STAT5B: variants seen among roughly 807,000 people sequenced by gnomAD.
STAT5B encodes the protein signal transducer and activator of transcription 5B.
A neutral mutation model predicts 107.8 loss-of-function variants in STAT5B; 21 were observed. The observed-to-expected ratio is 0.19, with a 90% CI of 0.14 to 0.28. The LOEUF (loss-of-function observed/expected upper bound fraction) is 0.28, where lower values mean the gene tolerates loss of function less well. Among genes scored for constraint, STAT5B ranks in the 10% least tolerant of loss-of-function variants. The probability of loss-of-function intolerance (pLI) is 1.00; values close to 1 mark genes in which losing one functional copy is unlikely to be tolerated. For synonymous variants in STAT5B, 325 were observed against 401.7 expected (o/e 0.81, Z 2.28); for missense variants, 565 against 1,008.2 (o/e 0.56, Z 5.95).
chr17:42,217,905 C>G, intron 9 of STAT5B: 1 of 564,460 alleles, frequency 1.8e-6, no homozygotes, highest in East Asian at 3.6e-5. Flanking sequence ...AGGGTTTCAC[C>G]ATGTTGGCCA....
chr17:42,229,408 C>G (rs1386538423), intron 2 of STAT5B, among the ~76,000 whole-genome samples: 1 of 151,836 alleles, frequency 6.6e-6, no homozygotes, highest in East Asian at 2.0e-4. Flanking sequence ...CCTCAGCCTC[C>G]CAAAGTGCTG....
chr17:42,228,769 T>A (rs1014713515), intron 2 of STAT5B, among the ~76,000 whole-genome samples: 1 of 152,040 alleles, frequency 6.6e-6, no homozygotes, highest in African/African-American at 2.4e-5. Context: ...CCATCTCTAC[T>A]AAAACACAAA....
At chr17:42,204,239 T>C (rs140671727) in intron 16 of STAT5B, among the ~76,000 whole-genome samples, 18 of 152,340 alleles carry the variant, frequency 1.2e-4, no homozygotes, top group African/African-American at 4.1e-4. Context: ...AACCTGCACG[T>C]GATCTGGTCA....
chr17:42,274,473 T>C (rs750228512), intron 1 of STAT5B, among the ~76,000 whole-genome samples: 1 of 152,116 alleles, frequency 6.6e-6, no homozygotes, highest in Non-Finnish European at 1.5e-5. Flanking sequence ...ATAGGAAGTT[T>C]TTCTTAAAAT....
intron 5 of STAT5B, 142 bp from the exon 6 acceptor site, chr17:42,219,984 A>G: frequency 7.0e-7 from 1 of 1,422,690 alleles, no homozygotes; most frequent in Non-Finnish European, 9.4e-7. Context: ...CCTGACAGCC[A>G]GGGGGGCCAA....
intron 16 of STAT5B, among the ~76,000 whole-genome samples, chr17:42,205,899 A>G (rs2080081011): frequency 1.3e-5 from 2 of 151,082 alleles, no homozygotes; most frequent in African/African-American, 2.5e-5. Context: ...CCCATCTCAA[A>G]CAAACAAACA....
chr17:42,221,622 A>T (rs1288262216), intron 5 of STAT5B, among the ~76,000 whole-genome samples: 1 of 152,156 alleles, frequency 6.6e-6, no homozygotes, highest in East Asian at 1.9e-4. Context: ...GCCATCCCAA[A>T]TCTTCCGTTT....
chr17:42,262,311 C>T (rs1362983690), intron 1 of STAT5B, among the ~76,000 whole-genome samples: 1 of 152,174 alleles, frequency 6.6e-6, no homozygotes, highest in African/African-American at 2.4e-5. Flanking sequence ...AGGCATACAC[C>T]AGCACCCCGT....
At chr17:42,247,909 C>T (rs369084649) in intron 1 of STAT5B, among the ~76,000 whole-genome samples, 29 of 151,062 alleles carry the variant, frequency 1.9e-4, no homozygotes, top group African/African-American at 6.3e-4. Context: ...ACTATGATTG[C>T]GCCACTGCAT....
At chr17:42,214,477 C>T in intron 12 of STAT5B, 3 of 985,292 alleles carry the variant, frequency 3.0e-6, no homozygotes, top group Non-Finnish European at 3.6e-6. Flanking sequence ...TGTTGGGAAA[C>T]GTTAAGCCTC....
At chr17:42,263,120 C>T (rs995800078) in intron 1 of STAT5B, among the ~76,000 whole-genome samples, 47 of 146,628 alleles carry the variant, frequency 3.2e-4, no homozygotes, top group African/African-American at 1.2e-3. Context: ...ACTGCAGCCT[C>T]CACTTCCCAG....
At chr17:42,210,835 T>TA (rs1169568309) in intron 13 of STAT5B, among the ~76,000 whole-genome samples, 2 of 152,162 alleles carry the variant, frequency 1.3e-5, no homozygotes, top group Admixed American at 6.5e-5. Context: ...TGCACGTTGT[T>TA]AGGCTCCAAA....
intron 2 of STAT5B, among the ~76,000 whole-genome samples, chr17:42,230,729 C>G (rs1038608937): frequency 6.6e-6 from 1 of 151,574 alleles, no homozygotes; most frequent in Non-Finnish European, 1.5e-5. Flanking sequence ...AGTGCGATCT[C>G]GGCTCACTGC....
chr17:42,221,936 GGTGT>G (rs1217895243), intron 5 of STAT5B, among the ~76,000 whole-genome samples: 2 of 149,228 alleles, frequency 1.3e-5, no homozygotes, highest in South Asian at 2.2e-4. Context: ...ATGTGTGTGT[GGTGT>G]GTATGTGTGG....
intron 16 of STAT5B, among the ~76,000 whole-genome samples, chr17:42,205,058 C>T (rs1336304801): frequency 2.6e-5 from 4 of 152,174 alleles, no homozygotes; most frequent in East Asian, 1.9e-4. Flanking sequence ...GGCAGAGTCT[C>T]GCTCTGTTGC....
At chr17:42,218,457 C>T in intron 8 of STAT5B, 127 bp from the exon 9 acceptor site, 6 of 1,465,446 alleles carry the variant, frequency 4.1e-6, no homozygotes, top group Non-Finnish European at 4.6e-6. Flanking sequence ...CGGGCACAGC[C>T]TCTGTTCCTG....
chr17:42,264,189 G>A (rs2080645767), intron 1 of STAT5B, among the ~76,000 whole-genome samples: 1 of 151,368 alleles, frequency 6.6e-6, no homozygotes. Context: ...CACTCCTTTT[G>A]TACAAATCTT....
In STAT5B at chr17:42,262,942, A is replaced by ATATGTG. The variant is rs1321227515; in HGVS notation, c.-11+13305_-11+13306insCACATA. Among the ~76,000 whole-genome samples, 197 of 45,356 alleles carry ATATGTG rather than the reference A, an allele frequency of 4.3e-3. 7 individuals carry two copies. Among genetic ancestry groups the ATATGTG allele is most frequent in the South Asian group, 6.6e-3 (8 of 1,220 alleles). The allele number at this position is 45,356 out of a possible 152,430, so 29.8% of individuals were successfully genotyped here. A position where few individuals can be genotyped will look rare whatever the true frequency, so the allele number is the denominator to read the frequency against. On this transcript the variant is annotated intron_variant, in intron 1 of 18. Coordinates refer to ENST00000293328, the MANE Select transcript of STAT5B (RefSeq NM_012448.4). ...TGTGTGTATATATATATGTATATAT[A>ATATGTG]TGTGTGTGTGTGTGTGTGTGTGTGT...
At chr17:42,219,967 C>T (rs1310377237) in intron 5 of STAT5B, 125 bp from the exon 6 acceptor site, 25 of 1,490,804 alleles carry the variant, frequency 1.7e-5, no homozygotes, top group East Asian at 7.3e-5. Context: ...AAGGGCAAGT[C>T]GGGGTTCCTG....
Sources: allele counts gnomAD v4.1 joint callset (sites outside exome capture counted in the v4.1 genomes callset), GRCh38; gene constraint gnomAD v4.1.1; transcripts MANE v1.5; gene names NCBI Gene and HGNC (gene_info 2026-07-23, HGNC 2026-07-21).